CCL25: variants seen among roughly 807,000 people sequenced by gnomAD.
CCL25 encodes C-C motif chemokine ligand 25.
A neutral mutation model predicts 19.9 loss-of-function variants in CCL25; 14 were observed. That is an observed-to-expected ratio of 0.70 (90% CI 0.47 to 1.10). The LOEUF is 1.10. CCL25 is among the 50% of genes least tolerant of loss of function. The probability of loss-of-function intolerance (pLI) is 0.00; values close to 1 mark genes in which losing one functional copy is unlikely to be tolerated. For missense variants in CCL25, 151 were observed against 181.2 expected, an observed-to-expected ratio of 0.83 and a Z score of 0.96; for synonymous variants, 68 against 73.2, an observed-to-expected ratio of 0.93 and a Z score of 0.36.
intron 2 of CCL25, among the ~76,000 whole-genome samples, chr19:8,055,785 T>A (rs1054900852): frequency 3.9e-5 from 6 of 152,088 alleles, no homozygotes; most frequent in African/African-American, 1.4e-4. Flanking sequence ...ATCAGCTCAT[T>A]TTTAGGAGGG....
Position 8,056,397 on chromosome 19 carries a change from T to C in CCL25, c.223T>C (p.Cys75Arg). Reference protein sequence around the residue: ...FYLPKRHRKVCGNPKSREVQR... With the variant: ...FYLPKRHRKVRGNPKSREVQR... Reference sequence around the variant, plus strand: ...CCTCCCCAAGAGACACAGGAAGGTGTGTGGGAACCCCAAAAGCAGGGAGGT... The same window carrying C: ...CCTCCCCAAGAGACACAGGAAGGTGCGTGGGAACCCCAAAAGCAGGGAGGT... Residue 75 changes from cysteine (C) to arginine (R), a missense_variant, in exon 4 of 6, where the codon TGT becomes CGT. Physicochemically the swap from Cys to Arg is radical, Grantham distance 180. Transcript: ENST00000315626. 1 of 1,613,892 alleles carries C rather than the reference T, an allele frequency of 6.2e-7. No homozygotes were observed. The highest frequency in any genetic ancestry group is 8.5e-7 in the Non-Finnish European group (1 of 1,179,910).
intron 5 of CCL25, among the ~76,000 whole-genome samples, chr19:8,059,819 G>A (rs1367386557): frequency 6.6e-6 from 1 of 152,032 alleles, no homozygotes; most frequent in Non-Finnish European, 1.5e-5. Flanking sequence ...GCCGGGCGCG[G>A]TGGCTCATGC....
chr19:8,056,338 C>G (rs760632446), intron 3 of CCL25, 28 bp from the exon 4 acceptor site: 1 of 1,612,118 alleles, frequency 6.2e-7, no homozygotes, highest in Non-Finnish European at 8.5e-7. Context: ...TACACCCTAA[C>G]CTGGGCACCC....
At chr19:8,056,298 TGGG>T in intron 3 of CCL25, 29 bp downstream of exon 3, 1 of 423,000 alleles carries the variant, frequency 2.4e-6, no homozygotes, top group Non-Finnish European at 4.5e-6. Context: ...GCTGGGGGGG[TGGG>T]GTGCACACAC....
Position 8,053,046 on chromosome 19 carries a change from C to A in CCL25, c.-4C>A. The A allele has an allele frequency of 6.5e-7, 1 of 1,549,724 alleles. No homozygotes were observed. The highest frequency in any genetic ancestry group is 8.7e-7 in the Non-Finnish European group (1 of 1,146,438). ...GTGCCCAGGGAGGAGGACCCGCCTG[C>A]AGCATGAACCTGTGGCTCCTGGCCT... On this transcript the variant is annotated 5_prime_UTR_variant, in exon 2 of 6. Coordinates refer to ENST00000315626, the MANE Select transcript of CCL25 (RefSeq NM_005624.4).
intron 2 of CCL25, among the ~76,000 whole-genome samples, chr19:8,054,332 T>G (rs910950684): frequency 2.6e-5 from 4 of 152,358 alleles, no homozygotes; most frequent in African/African-American, 9.6e-5. Context: ...AGCCCAGCCC[T>G]TCGATCCTGG....
intron 4 of CCL25, 36 bp downstream of exon 4, chr19:8,056,535 G>T: frequency 6.2e-7 from 1 of 1,611,668 alleles, no homozygotes. Flanking sequence ...TAGGGGGCCT[G>T]CCCTCCCTGC....
In CCL25 at chr19:8,062,511, T is replaced by C; in HGVS notation, c.*286T>C. On this transcript the variant is annotated 3_prime_UTR_variant, in exon 6 of 6. Transcript: ENST00000315626. The stretch of plus-strand genomic sequence containing the variant: ...GAAGACTTAGGATACCTCTCTCACT[T>C]TCTGTTTCTTGCCGTCCACCCCGGG... The C allele has an allele frequency of 4.2e-6, 2 of 472,310 alleles. No homozygotes were observed. The highest frequency in any genetic ancestry group is 7.7e-6 in the Non-Finnish European group (2 of 261,208). 29.3% of individuals were successfully genotyped at this position (472,310 alleles called of 1,614,324 possible). A position where few individuals can be genotyped will look rare whatever the true frequency, so the allele number is the denominator to read the frequency against.
rs191716794 is a variant in CCL25, at chr19:8,054,725, C to T, written c.74-1427C>T. On this transcript the variant is annotated intron_variant, in intron 2 of 5. Transcript: ENST00000315626. ...CCCCTTTCTGCAGAGATCAGTTTCC[C>T]GGGAGCTCCCTGAAGACAACACTAG... 1.6e-4 allele frequency among the ~76,000 whole-genome samples: 25 copies of T among 151,686 alleles called. No individual in the cohort carries two copies. The East Asian group carries it at 4.5e-3, about 27-fold the overall frequency.
intron 5 of CCL25, among the ~76,000 whole-genome samples, chr19:8,058,648 A>AAT (rs1160429217): frequency 7.7e-6 from 1 of 130,596 alleles, no homozygotes; most frequent in Non-Finnish European, 1.5e-5. Context: ...ATAATATATA[A>AAT]ATATATATAT....
At chr19:8,059,154 A>ATATAT (rs1568336069) in intron 5 of CCL25, among the ~76,000 whole-genome samples, 104 of 3,576 alleles carry the variant, frequency 0.029, no homozygotes, top group Non-Finnish European at 0.053. Context: ...AATATATAAT[A>ATATAT]TATATAATAT....
chr19:8,057,872 A>G lies in CCL25; in HGVS notation c.397A>G (p.Ile133Val). ...KLSSSKFSNP[I>V]SSSKRNVSLL... ...ATCATCGTCCAAGTTTAGCAATCCC[A>G]TCAGCAGCAGTAAGAGGAATGTCTC... is the stretch of plus-strand genomic sequence containing the variant. The change falls in exon 5 of 6, where the codon ATC becomes GTC. Residue 133 changes from isoleucine to valine, a missense_variant. By Grantham distance (29) the Ile-to-Val change is conservative. Transcript: ENST00000315626. The G allele has an allele frequency of 6.2e-7, 1 of 1,613,586 alleles. No homozygotes were observed. Among genetic ancestry groups the G allele is most frequent in the Non-Finnish European group, 8.5e-7 (1 of 1,179,606 alleles).
rs2081324138 is a variant in CCL25 at position 8,062,326 on chromosome 19, T to C, written c.*101T>C. On this transcript the variant is annotated 3_prime_UTR_variant, in exon 6 of 6. Coordinates refer to ENST00000315626, the MANE Select transcript of CCL25 (RefSeq NM_005624.4). ...CAGCTGTCCCCACGCCTCTGTCTTT[T>C]GGGTCAAGTCTTAATCCCTGCACCT... 7 of 1,352,894 alleles carry C rather than the reference T, an allele frequency of 5.2e-6. No individual in the cohort carries two copies. The South Asian group carries it at 8.2e-5, about 16-fold the overall frequency. The allele number at this position is 1,352,894 out of a possible 1,614,324, so 83.8% of individuals were successfully genotyped here.
intron 3 of CCL25, 33 bp downstream of exon 3, chr19:8,056,302 G>GGGGGGGGGGGGGGGGGGGGGGCGCCC: frequency 1.7e-6 from 1 of 593,416 alleles, no homozygotes; most frequent in African/African-American, 1.9e-5. Flanking sequence ...GGGGGGTGGG[G>GGGGGGGGGGGGGGGGGGGGGGCGCCC]TGCACACACA....
intron 4 of CCL25, 116 bp downstream of exon 4, chr19:8,056,615 A>G: frequency 8.5e-7 from 1 of 1,181,652 alleles, no homozygotes; most frequent in Non-Finnish European, 1.2e-6. Context: ...ACCTGCCTGA[A>G]CCCCAAACAA....
At position 8,056,495 on chromosome 19, in the gene CCL25, C is replaced by T. The variant is rs774445225; in HGVS notation, c.321C>T (p.Phe107=). 6.2e-7 allele frequency: 1 copy of T among 1,614,084 alleles called. No individual in the cohort carries two copies. The highest frequency in any genetic ancestry group is 1.7e-5 in the Admixed American group (1 of 60,026). The change falls in exon 4 of 6, where the codon TTC becomes TTT. Residue 107 remains phenylalanine (F), a synonymous_variant. Coordinates refer to ENST00000315626, the MANE Select transcript of CCL25 (RefSeq NM_005624.4). ...FAKLHHNTQT[F]QAGPHAVKKL... ...AGCTCCACCACAACACGCAGACCTT[C>T]CAAGGTGGGCAAGACCTCTGCTGGG...
At chr19:8,052,749 G>A (rs1016225795), upstream of CCL25, 28 of 382,274 alleles carry the variant, frequency 7.3e-5, no homozygotes, top group Admixed American at 1.3e-4. Flanking sequence ...GAAGCTCAGC[G>A]TGTTGGTCCT....
chr19:8,053,609 C>G (rs550557628), intron 2 of CCL25, among the ~76,000 whole-genome samples: 11 of 144,746 alleles, frequency 7.6e-5, no homozygotes, highest in African/African-American at 2.6e-4. Context: ...AGTGCAGTGG[C>G]GCGATCTTGG....
intron 5 of CCL25, among the ~76,000 whole-genome samples, chr19:8,058,552 T>G (rs1202400199): frequency 8.5e-6 from 1 of 117,770 alleles, no homozygotes; most frequent in Non-Finnish European, 1.7e-5. Context: ...TAAATACATA[T>G]AATATATAAA....
Sources: allele counts gnomAD v4.1 joint callset (sites outside exome capture counted in the v4.1 genomes callset), GRCh38; gene constraint gnomAD v4.1.1; transcripts MANE v1.5; gene names NCBI Gene and HGNC (gene_info 2026-07-23, HGNC 2026-07-21).